The following FBN2 variants were observed in gnomAD, a reference collection of about 807,000 sequenced individuals.
FBN2 encodes the protein fibrillin-2.
A neutral mutation model predicts 355.6 loss-of-function variants in FBN2; 105 were observed. That is an observed-to-expected ratio of 0.30 (90% CI 0.25 to 0.35). FBN2 has a LOEUF of 0.35. Ranked by LOEUF, FBN2 falls within the 10% of genes least tolerant of loss-of-function variation. The pLI is 1.00. For missense variants in FBN2, 3,280 were observed against 3,758.7 expected, an observed-to-expected ratio of 0.87 and a Z score of 3.33; for synonymous variants, 1,350 against 1,301.2, an observed-to-expected ratio of 1.04 and a Z score of -0.81.
intron 5 of FBN2, among the ~76,000 whole-genome samples, chr5:128,480,029 T>TACAC (rs762120121): frequency 0.011 from 1,080 of 101,682 alleles, 3 homozygotes; most frequent in African/African-American, 0.025. Flanking sequence ...TATATGTATA[T>TACAC]ACACACACAC....
intron 6 of FBN2, among the ~76,000 whole-genome samples, chr5:128,457,214 C>T (rs914364530): frequency 2.0e-5 from 3 of 151,950 alleles, no homozygotes; most frequent in Admixed American, 2.0e-4. Flanking sequence ...AGTCTTAAGA[C>T]CACCTTACTG....
At chr5:128,362,343 T>A (rs1240345783) in intron 18 of FBN2, among the ~76,000 whole-genome samples, 1 of 152,244 alleles carries the variant, frequency 6.6e-6, no homozygotes, top group Non-Finnish European at 1.5e-5. Context: ...CTTTTCCCAC[T>A]ATGTTTTTAT....
At position 128,344,372 on chromosome 5, in the gene FBN2, A is replaced by G. The variant is rs776495252; in HGVS notation, c.3343+13T>C. ...GCCAGAGTTTATCAAATAAAACAGC[A>G]GAACCATCTTACCCGTGCAGTTTCT... On this transcript the variant is annotated intron_variant, in intron 25 of 64. Transcript: ENST00000262464. 2.5e-6 allele frequency: 4 copies of G among 1,614,000 alleles called. No homozygotes were observed. The highest frequency in any genetic ancestry group is 3.4e-6 in the Non-Finnish European group (4 of 1,179,832).
At chr5:128,351,542 C>T (rs1372929212) in intron 20 of FBN2, among the ~76,000 whole-genome samples, 3 of 148,986 alleles carry the variant, frequency 2.0e-5, no homozygotes, top group Non-Finnish European at 4.4e-5. Flanking sequence ...AGTGAAACTT[C>T]GTCTCAAAAA....
At chr5:128,322,402 G>A (rs903000089) in intron 34 of FBN2, among the ~76,000 whole-genome samples, 3 of 152,154 alleles carry the variant, frequency 2.0e-5, no homozygotes, top group South Asian at 2.1e-4. Flanking sequence ...TTCTTCTGGC[G>A]TTTTTTATGG....
At chr5:128,363,405 G>T (rs1482518252) in intron 18 of FBN2, among the ~76,000 whole-genome samples, 3 of 152,036 alleles carry the variant, frequency 2.0e-5, no homozygotes, top group Non-Finnish European at 4.4e-5. Context: ...GGCCAGGCTG[G>T]TCTCAAACTC....
chr5:128,449,953 T>C (rs1358691721), intron 6 of FBN2, among the ~76,000 whole-genome samples: 4 of 152,092 alleles, frequency 2.6e-5, no homozygotes, highest in Non-Finnish European at 5.9e-5. Context: ...CATTGCATAA[T>C]GACAAAGGGG....
Position 128,301,369 on chromosome 5 carries a change from T to C in FBN2, c.6046+13A>G, listed in dbSNP as rs1279989616. ...ATAACACCACAAAGACTGCTTATTA[T>C]TTAAATACTTACCTATACAGTTTTT... On this transcript the variant is annotated intron_variant, in intron 47 of 64. Transcript: ENST00000262464. The C allele has an allele frequency of 1.2e-6, 2 of 1,611,552 alleles. No homozygotes were observed. Among genetic ancestry groups the C allele is most frequent in the South Asian group, 2.2e-5 (2 of 91,020 alleles).
chr5:128,471,536 G>C (rs189607055), intron 5 of FBN2, among the ~76,000 whole-genome samples: 23 of 152,080 alleles, frequency 1.5e-4, no homozygotes, highest in Admixed American at 6.6e-4. Flanking sequence ...ATGTTTAAGA[G>C]AATCAAAGCC....
chr5:128,514,126 C>T (rs17839641), intron 5 of FBN2, among the ~76,000 whole-genome samples: 3,607 of 152,060 alleles, frequency 0.024, 158 homozygotes, highest in African/African-American at 0.084. Context: ...TCTACTAAAT[C>T]TTCAGAGTGC....
At chr5:128,423,415 A>G (rs1034687857) in intron 7 of FBN2, among the ~76,000 whole-genome samples, 3 of 152,144 alleles carry the variant, frequency 2.0e-5, no homozygotes, top group Non-Finnish European at 4.4e-5. Context: ...GCAAGAGAAC[A>G]TGTGTAAGGG....
chr5:128,269,987 C>G (rs1359616413), intron 62 of FBN2, among the ~76,000 whole-genome samples: 3 of 152,120 alleles, frequency 2.0e-5, no homozygotes, highest in Non-Finnish European at 2.9e-5. Flanking sequence ...GTGCTGGTAC[C>G]AGAGCAGACA....
intron 56 of FBN2, 78 bp from the exon 57 acceptor site, chr5:128,278,919 G>A (rs1216617606): frequency 8.4e-7 from 1 of 1,184,184 alleles, no homozygotes; most frequent in Non-Finnish European, 1.2e-6. Context: ...AAGCAGGGCA[G>A]TCAAGAATTT....
At chr5:128,269,018 G>A (rs1247635263) in intron 62 of FBN2, among the ~76,000 whole-genome samples, 1 of 152,036 alleles carries the variant, frequency 6.6e-6, no homozygotes, top group African/African-American at 2.4e-5. Flanking sequence ...TGGAAATTCT[G>A]GCCAGGGCAA....
chr5:128,278,120 C>G, intron 57 of FBN2, 115 bp from the exon 58 acceptor site: 1 of 1,013,748 alleles, frequency 9.9e-7, no homozygotes, highest in South Asian at 1.3e-5. Flanking sequence ...GCAAACATTC[C>G]TAATAGCACT....
chr5:128,531,784 TC>T (rs1286134412), intron 2 of FBN2, among the ~76,000 whole-genome samples: 3 of 151,436 alleles, frequency 2.0e-5, no homozygotes, highest in African/African-American at 4.9e-5. Context: ...AAAAGAACTT[TC>T]ACCAAACAGT....
intron 5 of FBN2, among the ~76,000 whole-genome samples, chr5:128,476,138 G>A (rs896363302): frequency 1.3e-5 from 2 of 152,136 alleles, no homozygotes; most frequent in African/African-American, 4.8e-5. Context: ...TTAGTTCAAT[G>A]AAGGACACAG....
Position 128,378,766 on chromosome 5 carries a change from C to T in FBN2, c.1723+5G>A. 6.2e-7 allele frequency: 1 copy of T among 1,612,850 alleles called. No homozygotes were observed. Among genetic ancestry groups the T allele is most frequent in the Non-Finnish European group, 8.5e-7 (1 of 1,179,230 alleles). ...ATTTTCATATGTGAAAGCAAACTGC[C>T]TTACCAATGCATGCTTGCTTGGTAG... is the stretch of plus-strand genomic sequence containing the variant. On this transcript the variant is annotated splice_donor_5th_base_variant and intron_variant, in intron 12 of 64. Transcript: ENST00000262464.
chr5:128,355,932 A>G lies in FBN2; in HGVS notation c.2674+1344T>C, dbSNP rs568420357. Among the ~76,000 whole-genome samples the G allele has an allele frequency of 2.6e-5, 4 of 152,332 alleles. No individual in the cohort carries two copies. The South Asian group carries it at 6.2e-4, about 24-fold the overall frequency. On this transcript the variant is annotated intron_variant, in intron 20 of 64. Coordinates refer to ENST00000262464, the MANE Select transcript of FBN2 (RefSeq NM_001999.4). ...TGTTTAGTTAATAAATATAAGGGCA[A>G]AAGGCCAAAATAATGGAAGTCTACA...
Sources: gnomAD v4.1 joint callset for allele counts (sites outside exome capture counted in the v4.1 genomes callset) on GRCh38, gnomAD v4.1.1 for gene constraint, MANE v1.5 for transcripts, NCBI Gene and HGNC (gene_info 2026-07-23, HGNC 2026-07-21) for gene names.